IGF1: variants seen among roughly 807,000 people sequenced by gnomAD.
IGF1 encodes the protein insulin-like growth factor 1.
In IGF1, 4 loss-of-function variants were observed where a neutral mutation model predicts 13.8. The ratio of observed to expected loss-of-function variants is 0.29; its 90% CI spans 0.14 to 0.66. The LOEUF (loss-of-function observed/expected upper bound fraction) is 0.66. Ranked by LOEUF, IGF1 falls within the 30% of genes least tolerant of loss-of-function variation. IGF1 has a pLI of 0.78. For synonymous variants in IGF1, 76 were observed against 72.6 expected (o/e 1.05, Z -0.23); for missense variants, 124 against 188.5 (o/e 0.66, Z 2.00).
At chr12:102,422,736 T>C (rs1875844192) in intron 2 of IGF1, among the ~76,000 whole-genome samples, 1 of 152,242 alleles carries the variant, frequency 6.6e-6, no homozygotes, top group African/African-American at 2.4e-5. Flanking sequence ...ATTATAACTA[T>C]TGTCATTTCG....
intron 2 of IGF1, among the ~76,000 whole-genome samples, chr12:102,429,978 A>G (rs921586546): frequency 6.6e-6 from 1 of 152,178 alleles, no homozygotes; most frequent in African/African-American, 2.4e-5. Context: ...GCAATGTGAG[A>G]CCTAATGTGA....
At chr12:102,447,916 A>G (rs762844502) in intron 2 of IGF1, among the ~76,000 whole-genome samples, 71 of 152,270 alleles carry the variant, frequency 4.7e-4, no homozygotes, top group Non-Finnish European at 7.1e-4. Context: ...GCCAAAACTG[A>G]CAAATGGGAT....
chr12:102,408,214 C>G (rs1874333434), intron 3 of IGF1, among the ~76,000 whole-genome samples: 1 of 152,154 alleles, frequency 6.6e-6, no homozygotes, highest in Admixed American at 6.5e-5. Flanking sequence ...GATATCAGCC[C>G]TTTACCTGTT....
intron 2 of IGF1, 82 bp downstream of exon 2, chr12:102,475,561 T>C: frequency 6.6e-7 from 1 of 1,509,506 alleles, no homozygotes; most frequent in Non-Finnish European, 9.2e-7. Context: ...CATTCAGTTA[T>C]TCACACACTC....
rs1873249656 is a variant in IGF1, at chr12:102,397,019, G to A, written c.*5488C>T. On this transcript the variant is annotated 3_prime_UTR_variant, in exon 4 of 4. Coordinates refer to ENST00000337514, the MANE Select transcript of IGF1 (RefSeq NM_000618.5). ...AGTTTGAGACCAACCTGGCCAACAT[G>A]GTAAAACCCCGTCTCTATTAAAAAT... 2.6e-6 allele frequency: 1 copy of A among 389,696 alleles called. No homozygotes were observed. The highest frequency in any genetic ancestry group is 4.5e-6 in the Non-Finnish European group (1 of 220,968). The allele number at this position is 389,696 out of a possible 1,614,324, so 24.1% of individuals were successfully genotyped here. A position where few individuals can be genotyped will look rare whatever the true frequency, so the allele number is the denominator to read the frequency against.
chr12:102,398,109 C>G lies in IGF1; in HGVS notation c.*4398G>C, dbSNP rs1022399264. The G allele has an allele frequency of 7.4e-6, 1 of 134,556 alleles. No individual in the cohort carries two copies. Among genetic ancestry groups the G allele is most frequent in the Non-Finnish European group, 1.7e-5 (1 of 60,566 alleles). 8.3% of individuals were successfully genotyped at this position (134,556 alleles called of 1,614,324 possible). A position where few individuals can be genotyped will look rare whatever the true frequency, so the allele number is the denominator to read the frequency against. On this transcript the variant is annotated 3_prime_UTR_variant, in exon 4 of 4. Coordinates refer to ENST00000337514, the MANE Select transcript of IGF1 (RefSeq NM_000618.5). ...AGTAAAAAAAAAAAAAAAACAAAAA[C>G]AAGAAACAAAAAATCTTCACAGATT...
At chr12:102,428,458 G>T (rs1471279009) in intron 2 of IGF1, among the ~76,000 whole-genome samples, 2 of 151,894 alleles carry the variant, frequency 1.3e-5, no homozygotes, top group African/African-American at 4.8e-5. Flanking sequence ...AAGGAGACAA[G>T]CCCATCCATA....
intron 2 of IGF1, among the ~76,000 whole-genome samples, chr12:102,420,570 C>T (rs1233018992): frequency 6.6e-6 from 1 of 152,054 alleles, no homozygotes; most frequent in Non-Finnish European, 1.5e-5. Flanking sequence ...TGACCGTGTA[C>T]AGAAGTCTTG....
chr12:102,458,516 G>A (rs554949675), intron 2 of IGF1, among the ~76,000 whole-genome samples: 1 of 152,224 alleles, frequency 6.6e-6, no homozygotes, highest in South Asian at 2.1e-4. Context: ...TTCCGACTCA[G>A]CCATGTCTAC....
chr12:102,409,909 C>T (rs1874486298), intron 3 of IGF1, among the ~76,000 whole-genome samples: 2 of 152,172 alleles, frequency 1.3e-5, no homozygotes, highest in Admixed American at 1.3e-4. Flanking sequence ...ATTGTCAAAG[C>T]AGTTTGCATG....
At chr12:102,468,722 A>G (rs1422846187) in intron 2 of IGF1, among the ~76,000 whole-genome samples, 1 of 152,252 alleles carries the variant, frequency 6.6e-6, no homozygotes, top group African/African-American at 2.4e-5. Flanking sequence ...GAGGTGTACG[A>G]TGGAACTCTG....
At chr12:102,441,256 C>T (rs1249378057) in intron 2 of IGF1, among the ~76,000 whole-genome samples, 1 of 152,226 alleles carries the variant, frequency 6.6e-6, no homozygotes, top group Non-Finnish European at 1.5e-5. Flanking sequence ...TTGCTGGTAT[C>T]TGCACCATTA....
chr12:102,468,101 T>TAATC (rs1250700994), intron 2 of IGF1, among the ~76,000 whole-genome samples: 15 of 152,240 alleles, frequency 9.9e-5, no homozygotes, highest in African/African-American at 3.1e-4. Context: ...GATGTATACT[T>TAATC]AATCAATAAT....
In IGF1 at chr12:102,401,216, C is replaced by A. The variant is rs752524367; in HGVS notation, c.*1291G>T. 6.2e-6 allele frequency: 1 copy of A among 160,486 alleles called. No homozygotes were observed. The highest frequency in any genetic ancestry group is 1.9e-4 in the South Asian group (1 of 5,300). The allele number at this position is 160,486 out of a possible 1,614,324, so 9.9% of individuals were successfully genotyped here. On this transcript the variant is annotated 3_prime_UTR_variant, in exon 4 of 4. Transcript: ENST00000337514. Reference sequence around the variant, plus strand: ...AGGTAGGTAGATGACATATTGCCCCCATTTTGCAGATGAGGAAACTGAGGC... The same window carrying A: ...AGGTAGGTAGATGACATATTGCCCCAATTTTGCAGATGAGGAAACTGAGGC...
intron 3 of IGF1, among the ~76,000 whole-genome samples, chr12:102,408,144 T>C (rs993078311): frequency 2.0e-5 from 3 of 152,204 alleles, no homozygotes; most frequent in Non-Finnish European, 4.4e-5. Context: ...AGCATTGACC[T>C]GCTCCCAAAA....
At chr12:102,451,954 T>G (rs1305466294) in intron 2 of IGF1, among the ~76,000 whole-genome samples, 1 of 152,168 alleles carries the variant, frequency 6.6e-6, no homozygotes, top group East Asian at 1.9e-4. Context: ...CTCTCTCACC[T>G]GCCACCATGT....
chr12:102,418,132 C>A, intron 3 of IGF1: 4 of 907,754 alleles, frequency 4.4e-6, no homozygotes, highest in Non-Finnish European at 6.4e-6. Flanking sequence ...GGGTCTAGAC[C>A]TCAGTCACAA....
chr12:102,429,365 T>G (rs766668792), intron 2 of IGF1, among the ~76,000 whole-genome samples: 7 of 152,242 alleles, frequency 4.6e-5, no homozygotes, highest in African/African-American at 7.2e-5. Flanking sequence ...CATATATCTT[T>G]GGATATTGCA....
chr12:102,467,678 A>G (rs1880424022), intron 2 of IGF1, among the ~76,000 whole-genome samples: 1 of 152,194 alleles, frequency 6.6e-6, no homozygotes, highest in African/African-American at 2.4e-5. Flanking sequence ...GAATTTATTG[A>G]AAGGAAGGAA....
Sources: gnomAD v4.1 joint callset for allele counts (sites outside exome capture counted in the v4.1 genomes callset) on GRCh38, gnomAD v4.1.1 for gene constraint, MANE v1.5 for transcripts, NCBI Gene and HGNC (gene_info 2026-07-23, HGNC 2026-07-21) for gene names.